The following SHISA9 variants were observed in gnomAD, a reference collection of about 807,000 sequenced individuals.
SHISA9 encodes the protein shisa family member 9.
SHISA9 carries 13 observed loss-of-function variants against 38.0 expected under a neutral mutation model. The observed-to-expected ratio is 0.34, with a 90% CI of 0.22 to 0.54. The LOEUF (loss-of-function observed/expected upper bound fraction) is 0.54. Among genes scored for constraint, SHISA9 ranks in the 20% least tolerant of loss-of-function variants. The pLI is 0.91. For synonymous variants in SHISA9, 275 were observed against 242.0 expected, an observed-to-expected ratio of 1.14 and a Z score of -1.27; for missense variants, 538 against 575.8, an observed-to-expected ratio of 0.93 and a Z score of 0.67.
chr16:13,131,945 A>G (rs1596670215), intron 2 of SHISA9, among the ~76,000 whole-genome samples: 1 of 152,192 alleles, frequency 6.6e-6, no homozygotes, highest in African/African-American at 2.4e-5. Flanking sequence ...GTTCTCCCTA[A>G]TTACAAACAT....
At chr16:13,100,842 G>C (rs2073871739) in intron 2 of SHISA9, among the ~76,000 whole-genome samples, 1 of 152,122 alleles carries the variant, frequency 6.6e-6, no homozygotes, top group Non-Finnish European at 1.5e-5. Context: ...CAAGTAGCTG[G>C]GATTACAGGC....
chr16:13,486,125 C>G, the SHISA9 span, among the ~76,000 whole-genome samples: 1 of 152,176 alleles, frequency 6.6e-6, no homozygotes, highest in Non-Finnish European at 1.5e-5. Context: ...CCAGATGGTT[C>G]ATGGATGGGC....
the SHISA9 span, among the ~76,000 whole-genome samples, chr16:13,293,667 A>G: frequency 1.3e-5 from 2 of 152,224 alleles, no homozygotes; most frequent in Non-Finnish European, 2.9e-5. Context: ...TTCCTTTTAC[A>G]GTCTAAGTTG....
chr16:12,918,099 A>T (rs1310235630), intron 2 of SHISA9, among the ~76,000 whole-genome samples: 1 of 152,226 alleles, frequency 6.6e-6, no homozygotes, highest in Non-Finnish European at 1.5e-5. Flanking sequence ...TAACATTATT[A>T]GTGAACTGGA....
At chr16:12,903,610 C>T (rs1339637286) in intron 1 of SHISA9, among the ~76,000 whole-genome samples, 1 of 152,168 alleles carries the variant, frequency 6.6e-6, no homozygotes, top group African/African-American at 2.4e-5. Context: ...AGCCCCCGGC[C>T]GCGGGAGAGG....
At chr16:13,264,373 A>G in the SHISA9 span, among the ~76,000 whole-genome samples, 1 of 151,892 alleles carries the variant, frequency 6.6e-6, no homozygotes, top group Non-Finnish European at 1.5e-5. Flanking sequence ...GCATTTCACC[A>G]TGTTGGCCAG....
chr16:13,249,913 T>C, the SHISA9 span, among the ~76,000 whole-genome samples: 1 of 152,114 alleles, frequency 6.6e-6, no homozygotes, highest in African/African-American at 2.4e-5. Flanking sequence ...TTAAATTTTT[T>C]TGTAGAGCCA....
the SHISA9 span, among the ~76,000 whole-genome samples, chr16:13,311,161 T>G: frequency 3.3e-5 from 5 of 152,210 alleles, no homozygotes; most frequent in African/African-American, 9.6e-5. Context: ...CTTCTTGCTC[T>G]TCATGCAAGA....
chr16:13,304,007 T>C, the SHISA9 span, among the ~76,000 whole-genome samples: 1 of 152,056 alleles, frequency 6.6e-6, no homozygotes, highest in Admixed American at 6.5e-5. Context: ...GGGAAACCCA[T>C]TGGAAATTAA....
At chr16:13,243,054 C>T (rs1249132722), downstream of SHISA9, among the ~76,000 whole-genome samples, 2 of 152,076 alleles carry the variant, frequency 1.3e-5, no homozygotes, top group Non-Finnish European at 2.9e-5. Context: ...GCCTGGCCAA[C>T]ATGGTGAAAC....
chr16:12,901,818 C>G lies in SHISA9; in HGVS notation c.-247C>G. On this transcript the variant is annotated 5_prime_UTR_variant, in exon 1 of 5. Transcript: ENST00000558583. ...CTCATCCTCCCCCCGCCCGGCCGGG[C>G]GCGCTCCTCCCCGGCCGGCCCCTCG... 1 of 148,698 alleles carries G rather than the reference C, an allele frequency of 6.7e-6. No homozygotes were observed. Among genetic ancestry groups the G allele is most frequent in the Non-Finnish European group, 1.5e-5 (1 of 67,372 alleles). The allele number at this position is 148,698 out of a possible 1,614,324, so 9.2% of individuals were successfully genotyped here.
At chr16:13,214,249 A>C (rs761834738) in intron 4 of SHISA9, among the ~76,000 whole-genome samples, 8 of 152,216 alleles carry the variant, frequency 5.3e-5, no homozygotes, top group Non-Finnish European at 1.2e-4. Flanking sequence ...CTCAGGCTAA[A>C]GTGCCGTAGT....
intron 1 of SHISA9, among the ~76,000 whole-genome samples, chr16:12,912,002 A>C (rs1231745523): frequency 6.6e-6 from 1 of 152,226 alleles, no homozygotes. Flanking sequence ...TATAATTGCC[A>C]TACAGGCAGC....
intron 2 of SHISA9, among the ~76,000 whole-genome samples, chr16:12,956,046 A>C (rs1276706763): frequency 6.6e-6 from 1 of 152,206 alleles, no homozygotes; most frequent in Non-Finnish European, 1.5e-5. Flanking sequence ...AGAAGTAACT[A>C]AAACAACTCA....
the SHISA9 span, among the ~76,000 whole-genome samples, chr16:13,517,692 G>T: frequency 4.6e-5 from 7 of 152,152 alleles, no homozygotes; most frequent in African/African-American, 1.4e-4. Context: ...TGGCATTATG[G>T]TGGCAGAAAA....
chr16:12,912,157 A>C (rs1298240775), intron 1 of SHISA9, among the ~76,000 whole-genome samples: 1 of 151,034 alleles, frequency 6.6e-6, no homozygotes, highest in East Asian at 2.0e-4. Flanking sequence ...TTCCTTCCCC[A>C]TACCAAATCG....
chr16:13,475,430 G>T, the SHISA9 span, among the ~76,000 whole-genome samples: 1 of 151,804 alleles, frequency 6.6e-6, no homozygotes, highest in African/African-American at 2.4e-5. Context: ...GGTATCCCAT[G>T]ACTTTCATTT....
chr16:13,011,383 A>G (rs1418492194), intron 2 of SHISA9, among the ~76,000 whole-genome samples: 1 of 145,686 alleles, frequency 6.9e-6, no homozygotes, highest in East Asian at 2.0e-4. Flanking sequence ...TCCCCAATAC[A>G]CTACACTATT....
intron 2 of SHISA9, among the ~76,000 whole-genome samples, chr16:12,973,717 A>G (rs1444799970): frequency 6.6e-6 from 1 of 152,164 alleles, no homozygotes; most frequent in Non-Finnish European, 1.5e-5. Flanking sequence ...GAAATTTTAA[A>G]CTATAAATAT....
Sources: gnomAD v4.1 joint callset for allele counts (sites outside exome capture counted in the v4.1 genomes callset) on GRCh38, gnomAD v4.1.1 for gene constraint, MANE v1.5 for transcripts, NCBI Gene and HGNC (gene_info 2026-07-23, HGNC 2026-07-21) for gene names.